Variants in MS4A6A observed in about 807,000 individuals in gnomAD.
MS4A6A encodes membrane spanning 4-domains A6A.
MS4A6A carries 19 observed loss-of-function variants against 20.6 expected under a neutral mutation model. The observed-to-expected ratio is 0.92, with a 90% CI of 0.64 to 1.36. The LOEUF is 1.36. Among genes scored for constraint, MS4A6A ranks in the 40% most tolerant of loss-of-function variants. The probability of loss-of-function intolerance (pLI) is 0.00; values close to 1 mark genes in which losing one functional copy is unlikely to be tolerated. For synonymous variants in MS4A6A, 108 were observed against 105.0 expected, an observed-to-expected ratio of 1.03 and a Z score of -0.17; for missense variants, 272 against 261.1, an observed-to-expected ratio of 1.04 and a Z score of -0.29.
chr11:60,178,483 C>A, intron 3 of MS4A6A, 167 bp from the exon 4 acceptor site: 1 of 507,796 alleles, frequency 2.0e-6, no homozygotes, highest in Non-Finnish European at 3.5e-6. Flanking sequence ...GTCCATATAA[C>A]ATTCAGATAA....
intron 2 of MS4A6A, 83 bp downstream of exon 2, chr11:60,181,497 AC>A: frequency 6.4e-7 from 1 of 1,555,966 alleles, no homozygotes; most frequent in Admixed American, 1.8e-5. Context: ...CTCCACACTC[AC>A]GACAGATGTC....
intron 2 of MS4A6A, chr11:60,180,975 C>T (rs2134806732): frequency 2.2e-6 from 1 of 444,956 alleles, no homozygotes; most frequent in Non-Finnish European, 4.5e-6. Flanking sequence ...AGTGCCTCAC[C>T]TCAGATCACA....
At chr11:60,178,125 C>T in intron 4 of MS4A6A, 135 bp downstream of exon 4, 4 of 756,978 alleles carry the variant, frequency 5.3e-6, no homozygotes, top group Non-Finnish European at 9.2e-6. Context: ...CCAGGCCCAG[C>T]TCCTAATTCT....
rs913149363 is a variant in MS4A6A at position 60,175,584 on chromosome 11, G to A, written c.367C>T (p.Leu123=). ...CCCACCAGGGCAGACAGAGCACTCA[G>A]AATGCTTCCAACCAGGCTGCTATGC... is the stretch of plus-strand genomic sequence containing the variant. ...LVHSSLVGSI[L]SALSALVGFI... The change falls in exon 5 of 6, where the codon CTG becomes TTG. Residue 123 remains leucine, a synonymous_variant. Coordinates refer to ENST00000528851, the MANE Select transcript of MS4A6A (RefSeq NM_022349.4). 6.2e-6 allele frequency: 10 copies of A among 1,613,594 alleles called. No homozygotes were observed. Among genetic ancestry groups the A allele is most frequent in the Admixed American group, 3.3e-5 (2 of 60,008 alleles).
intron 2 of MS4A6A, chr11:60,180,254 A>C (rs757153528): frequency 2.4e-6 from 1 of 422,542 alleles, no homozygotes; most frequent in Non-Finnish European, 4.2e-6. Context: ...GCTCACAGCA[A>C]GTGCTGAGAT....
chr11:60,173,032 G>A lies in MS4A6A; in HGVS notation c.647C>T (p.Pro216Leu), dbSNP rs768873281. 4 of 1,613,960 alleles carry A rather than the reference G, an allele frequency of 2.5e-6. No individual in the cohort carries two copies. In the African/African-American group the frequency reaches 5.3e-5, roughly 22 times the overall value. The change falls in exon 6 of 6, where the codon CCT (proline) becomes CTT (leucine). Residue 216 changes from proline (P) to leucine (L), a missense_variant. By Grantham distance (98) the Pro-to-Leu change is moderately conservative. Coordinates refer to ENST00000528851, the MANE Select transcript of MS4A6A (RefSeq NM_022349.4). ...LRWKQAYSDFPGVSVLAGFT is the reference protein window; with the variant it reads ...LRWKQAYSDFLGVSVLAGFT ...GAAGCCGGCCAGCACACTCACCCCA[G>A]GGAAGTCAGAGTAAGCCTGTTTCCA...
chr11:60,176,056 A>C (rs1187798266), intron 4 of MS4A6A, among the ~76,000 whole-genome samples: 4 of 152,244 alleles, frequency 2.6e-5, no homozygotes, highest in Non-Finnish European at 5.9e-5. Flanking sequence ...ATGGTGCAAA[A>C]GTAATTGTGG....
upstream of MS4A6A, chr11:60,183,384 A>T (rs2134823834): frequency 1.8e-6 from 1 of 547,066 alleles, no homozygotes; most frequent in Non-Finnish European, 3.2e-6. Context: ...AAAGATGAGC[A>T]AAAATATTTA....
intron 3 of MS4A6A, 25 bp from the exon 4 acceptor site, chr11:60,178,341 G>T (rs1222984881): frequency 6.2e-7 from 1 of 1,603,164 alleles, no homozygotes; most frequent in East Asian, 2.2e-5. Flanking sequence ...AAAATGGTCA[G>T]GTCAGATTCC....
chr11:60,172,007 T>C (rs1024984057), downstream of MS4A6A: 6 of 717,358 alleles, frequency 8.4e-6, no homozygotes, highest in African/African-American at 1.8e-5. Context: ...TGAACACATA[T>C]CTTAAATGAC....
intron 5 of MS4A6A, among the ~76,000 whole-genome samples, chr11:60,174,104 TG>T (rs1235447977): frequency 6.6e-6 from 1 of 152,246 alleles, no homozygotes; most frequent in Non-Finnish European, 1.5e-5. Flanking sequence ...AAGGTGGAAT[TG>T]GCTGTGCCAG....
At chr11:60,174,464 T>C (rs1420240026) in intron 5 of MS4A6A, among the ~76,000 whole-genome samples, 1 of 152,088 alleles carries the variant, frequency 6.6e-6, no homozygotes, top group Non-Finnish European at 1.5e-5. Flanking sequence ...TAGCTGGGAT[T>C]ACGGCTGCCC....
rs1856649547 is a variant in MS4A6A at position 60,172,895 on chromosome 11, A to G, written c.*106T>C. ...GCTTTTCTTCTCTGTCTTCCATCAC[A>G]ATGCAAATGCCCTCCCATGTGTATC... On this transcript the variant is annotated 3_prime_UTR_variant, in exon 6 of 6. Transcript: ENST00000528851. The G allele has an allele frequency of 6.4e-7, 1 of 1,559,906 alleles. No individual in the cohort carries two copies. Among genetic ancestry groups the G allele is most frequent in the African/African-American group, 1.4e-5 (1 of 73,910 alleles).
rs200749132 is a variant in MS4A6A, at chr11:60,179,970, G to C, written c.148-5C>G. 123 of 1,611,420 alleles carry C rather than the reference G, an allele frequency of 7.6e-5. No individual in the cohort carries two copies. In the East Asian group the frequency reaches 1.8e-3, roughly 24 times the overall value. On this transcript the variant is annotated splice_polypyrimidine_tract_variant and splice_region_variant and intron_variant, in intron 2 of 5. Coordinates refer to ENST00000528851, the MANE Select transcript of MS4A6A (RefSeq NM_022349.4). ...GCCACACAAGATCTGGATAGTCTGT[G>C]GGAAGAGAAAGTGAGATTGAGGATG...
chr11:60,179,528 A>G (rs746599608), intron 3 of MS4A6A: 13 of 564,000 alleles, frequency 2.3e-5, no homozygotes, highest in Non-Finnish European at 3.8e-5. Context: ...TCCCAACTTT[A>G]TCCTAATTCA....
chr11:60,183,203 C>G, upstream of MS4A6A: 1 of 1,534,830 alleles, frequency 6.5e-7, no homozygotes, highest in South Asian at 1.2e-5. Context: ...TCAGTAAAAC[C>G]ATGAAAAGAG....
chr11:60,178,487 C>A, intron 3 of MS4A6A, 171 bp from the exon 4 acceptor site: 1 of 496,990 alleles, frequency 2.0e-6, no homozygotes, highest in Non-Finnish European at 3.6e-6. Flanking sequence ...ATATAACATT[C>A]AGATAACATC....
At position 60,183,010 on chromosome 11, in the gene MS4A6A, A is replaced by G; in HGVS notation, c.-47T>C. Reference sequence around the variant, plus strand: ...CGTTGGTTCCAGCTGAGTCCTCAGAAGCTCCAAAGAGGTTTTAACTCTGGT... The same window carrying G: ...CGTTGGTTCCAGCTGAGTCCTCAGAGGCTCCAAAGAGGTTTTAACTCTGGT... On this transcript the variant is annotated 5_prime_UTR_variant, in exon 1 of 6. Transcript: ENST00000528851. 7.1e-7 allele frequency: 1 copy of G among 1,409,174 alleles called. No homozygotes were observed. The allele number at this position is 1,409,174 out of a possible 1,614,324, so 87.3% of individuals were successfully genotyped here.
Position 60,175,563 on chromosome 11 carries a change from C to A in MS4A6A, c.388G>T (p.Val130Leu), listed in dbSNP as rs758365547. ...TTGACAGACAGGATAATGAAACCCACCAGGGCAGACAGAGCACTCAGAATG... is the reference window on the plus strand; with the variant it reads ...TTGACAGACAGGATAATGAAACCCAACAGGGCAGACAGAGCACTCAGAATG... ...GSILSALSAL[V>L]GFIILSVKQA... Residue 130 changes from valine to leucine, a missense_variant, in exon 5 of 6, where the codon GTG becomes TTG. Physicochemically the swap from Val to Leu is conservative, Grantham distance 32. Transcript: ENST00000528851. 2 of 1,613,974 alleles carry A rather than the reference C, an allele frequency of 1.2e-6. No homozygotes were observed. The highest frequency in any genetic ancestry group is 1.7e-6 in the Non-Finnish European group (2 of 1,180,024).
Sources: gnomAD v4.1 joint callset for allele counts (sites outside exome capture counted in the v4.1 genomes callset) on GRCh38, gnomAD v4.1.1 for gene constraint, MANE v1.5 for transcripts, NCBI Gene and HGNC (gene_info 2026-07-23, HGNC 2026-07-21) for gene names.